ZNF771: variants seen among roughly 807,000 people sequenced by gnomAD.
The protein encoded by ZNF771 is mesenchymal stem cell protein DSC43.
ZNF771 carries 10 observed loss-of-function variants against 27.6 expected under a neutral mutation model. That is an observed-to-expected ratio of 0.36 (90% CI 0.22 to 0.61). ZNF771 has a LOEUF of 0.61. Among genes scored for constraint, ZNF771 ranks in the 20% least tolerant of loss-of-function variants. The pLI is 0.70. For synonymous variants in ZNF771, 261 were observed against 225.2 expected, an observed-to-expected ratio of 1.16 and a Z score of -1.43; for missense variants, 438 against 503.7, an observed-to-expected ratio of 0.87 and a Z score of 1.25.
Position 30,418,811 on chromosome 16 carries a change from T to C in ZNF771, c.*444T>C. Reference sequence around the variant, plus strand: ...CCTGAAAGGGCCCATAAATATACTATGTTCACGATCAGACACGCACTGCAT... The same window carrying C: ...CCTGAAAGGGCCCATAAATATACTACGTTCACGATCAGACACGCACTGCAT... On this transcript the variant is annotated 3_prime_UTR_variant, in exon 3 of 3. Transcript: ENST00000319296. 5.9e-6 allele frequency: 1 copy of C among 170,824 alleles called. No homozygotes were observed. Among genetic ancestry groups the C allele is most frequent in the Non-Finnish European group, 1.2e-5 (1 of 81,172 alleles). The allele number at this position is 170,824 out of a possible 1,614,324, so 10.6% of individuals were successfully genotyped here.
Position 30,418,125 on chromosome 16 carries a change from C to T in ZNF771, c.712C>T (p.Arg238Cys). 6.8e-7 allele frequency: 1 copy of T among 1,478,304 alleles called. No individual in the cohort carries two copies. The highest frequency in any genetic ancestry group is 8.9e-7 in the Non-Finnish European group (1 of 1,121,464). The allele number at this position is 1,478,304 out of a possible 1,614,324, so 91.6% of individuals were successfully genotyped here. ...EKPHRCAVCGRRFGHRSNLAE... is the reference protein window; with the variant it reads ...EKPHRCAVCGCRFGHRSNLAE... ...GCCGCACCGCTGCGCTGTGTGTGGCCGTCGCTTCGGCCACCGCTCCAACCT... is the reference window on the plus strand; with the variant it reads ...GCCGCACCGCTGCGCTGTGTGTGGCTGTCGCTTCGGCCACCGCTCCAACCT... The change falls in exon 3 of 3, where the codon CGT becomes TGT. Residue 238 changes from arginine (R) to cysteine (C), a missense_variant. By Grantham distance (180) the Arg-to-Cys change is radical. Transcript: ENST00000319296.
intron 2 of ZNF771, among the ~76,000 whole-genome samples, chr16:30,410,086 CCTT>C (rs982604677): frequency 2.0e-5 from 3 of 152,004 alleles, no homozygotes; most frequent in African/African-American, 7.3e-5. Flanking sequence ...GCAAGGTCAT[CCTT>C]CTTGAGATTT....
At chr16:30,408,235 C>T in intron 2 of ZNF771, 41 bp downstream of exon 2, 1 of 1,612,828 alleles carries the variant, frequency 6.2e-7, no homozygotes, top group Non-Finnish European at 8.5e-7. Context: ...GTCCCCAAAC[C>T]TGGTCCAGGC....
chr16:30,413,767 CTG>C (rs577408672), intron 2 of ZNF771: 78 of 212,082 alleles, frequency 3.7e-4, no homozygotes, highest in Non-Finnish European at 5.6e-4. Context: ...CGAGGTCTAA[CTG>C]TGTTGCCCAG....
chr16:30,411,147 C>T (rs2050101739), intron 2 of ZNF771, among the ~76,000 whole-genome samples: 2 of 151,972 alleles, frequency 1.3e-5, no homozygotes, highest in South Asian at 4.1e-4. Flanking sequence ...GGTGAAACCC[C>T]ATCTCTACTA....
At position 30,417,551 on chromosome 16, in the gene ZNF771, G is replaced by T. The variant is rs1597033019; in HGVS notation, c.142-4G>T. On this transcript the variant is annotated splice_polypyrimidine_tract_variant and splice_region_variant and intron_variant, in intron 2 of 2. Coordinates refer to ENST00000319296, the MANE Select transcript of ZNF771 (RefSeq NM_001142305.2). The stretch of plus-strand genomic sequence containing the variant: ...AGGGCTGACCTATCCCCCTCTCCCC[G>T]CAGGTCCCGGGCGAGGCGCCCGCGC... 1.6e-6 allele frequency: 2 copies of T among 1,217,566 alleles called. No homozygotes were observed. The highest frequency in any genetic ancestry group is 1.6e-5 in the African/African-American group (1 of 63,596). The allele number at this position is 1,217,566 out of a possible 1,614,324, so 75.4% of individuals were successfully genotyped here.
At chr16:30,409,627 G>A (rs771537772) in intron 2 of ZNF771, among the ~76,000 whole-genome samples, 11 of 152,178 alleles carry the variant, frequency 7.2e-5, no homozygotes, top group African/African-American at 1.4e-4. Flanking sequence ...CAGTTCCCAG[G>A]GAAAGAATGC....
intron 1 of ZNF771, among the ~76,000 whole-genome samples, 169 bp downstream of exon 1, chr16:30,407,833 A>G (rs1008472816): frequency 2.6e-5 from 4 of 151,478 alleles, no homozygotes; most frequent in Admixed American, 6.6e-5. Context: ...TGCTGGGATG[A>G]GTGGGGTGAA....
At chr16:30,413,646 T>C (rs2050117782) in intron 2 of ZNF771, 2 of 416,740 alleles carry the variant, frequency 4.8e-6, no homozygotes, top group African/African-American at 2.0e-5. Context: ...TGTAGCTCAC[T>C]GCAGCCTTGA....
chr16:30,417,537 A>C lies in ZNF771; in HGVS notation c.142-18A>C, dbSNP rs2050140463. On this transcript the variant is annotated intron_variant, in intron 2 of 2. Coordinates refer to ENST00000319296, the MANE Select transcript of ZNF771 (RefSeq NM_001142305.2). ...GGGGCCTGCCGCTAAGGGCTGACCT[A>C]TCCCCCTCTCCCCGCAGGTCCCGGG... The C allele has an allele frequency of 8.2e-7, 1 of 1,214,752 alleles. No homozygotes were observed. Among genetic ancestry groups the C allele is most frequent in the Non-Finnish European group, 1.0e-6 (1 of 977,978 alleles). The allele number at this position is 1,214,752 out of a possible 1,614,324, so 75.2% of individuals were successfully genotyped here. A position where few individuals can be genotyped will look rare whatever the true frequency, so the allele number is the denominator to read the frequency against.
At chr16:30,409,176 A>G (rs879772709) in intron 2 of ZNF771, among the ~76,000 whole-genome samples, 1 of 150,656 alleles carries the variant, frequency 6.6e-6, no homozygotes, top group Non-Finnish European at 1.5e-5. Flanking sequence ...GGGTTTTGCC[A>G]TGTTGGCCAG....
intron 2 of ZNF771, among the ~76,000 whole-genome samples, chr16:30,413,091 G>A (rs77689392): frequency 0.029 from 4,438 of 152,294 alleles, 303 homozygotes; most frequent in East Asian, 0.17. Context: ...GAGAAGTAAT[G>A]GCTAAGGAAG....
At chr16:30,409,035 C>T (rs532132746) in intron 2 of ZNF771, among the ~76,000 whole-genome samples, 5 of 151,698 alleles carry the variant, frequency 3.3e-5, no homozygotes, top group Admixed American at 2.6e-4. Flanking sequence ...AGTGCAGTGG[C>T]GTGATCTCGG....
At chr16:30,415,844 C>G (rs546864072) in intron 2 of ZNF771, among the ~76,000 whole-genome samples, 1 of 152,270 alleles carries the variant, frequency 6.6e-6, no homozygotes, top group African/African-American at 2.4e-5. Context: ...AGTAGATACG[C>G]GACATCAGTT....
Position 30,418,592 on chromosome 16 carries a change from C to T in ZNF771, c.*225C>T, listed in dbSNP as rs566666353. 1 of 435,992 alleles carries T rather than the reference C, an allele frequency of 2.3e-6. No individual in the cohort carries two copies. Among genetic ancestry groups the T allele is most frequent in the East Asian group, 3.6e-5 (1 of 27,968 alleles). The allele number at this position is 435,992 out of a possible 1,614,324, so 27.0% of individuals were successfully genotyped here. On this transcript the variant is annotated 3_prime_UTR_variant, in exon 3 of 3. Transcript: ENST00000319296. Reference sequence around the variant, plus strand: ...GTGTTAGTGAATAAAGTATTATATCCTCACCCCACCCGTGCCTGTGAGTGA... The same window carrying T: ...GTGTTAGTGAATAAAGTATTATATCTTCACCCCACCCGTGCCTGTGAGTGA...
intron 2 of ZNF771, chr16:30,413,513 CTT>C (rs1184008619): frequency 3.6e-6 from 1 of 274,238 alleles, no homozygotes; most frequent in Non-Finnish European, 7.7e-6. Context: ...AATTATGAGA[CTT>C]TTTTAAAGTT....
intron 2 of ZNF771, among the ~76,000 whole-genome samples, chr16:30,414,962 T>TTTTA (rs2050125930): frequency 7.8e-6 from 1 of 127,636 alleles, no homozygotes; most frequent in Non-Finnish European, 1.7e-5. Context: ...TTTTTTTTTT[T>TTTTA]TTTTTTTTTT....
intron 2 of ZNF771, among the ~76,000 whole-genome samples, chr16:30,408,395 G>A (rs1487389978): frequency 6.6e-6 from 1 of 152,118 alleles, no homozygotes; most frequent in Non-Finnish European, 1.5e-5. Flanking sequence ...CTTCCTGCTG[G>A]GTGCAGGAGA....
chr16:30,418,322 G>GGCCGCCACT lies in ZNF771; in HGVS notation c.913_921dup (p.Ala305_Ala307dup). The GGCCGCCACT allele has an allele frequency of 6.8e-7, 1 of 1,481,404 alleles. No homozygotes were observed. The highest frequency in any genetic ancestry group is 8.9e-7 in the Non-Finnish European group (1 of 1,119,732). The allele number at this position is 1,481,404 out of a possible 1,614,324, so 91.8% of individuals were successfully genotyped here. A position where few individuals can be genotyped will look rare whatever the true frequency, so the allele number is the denominator to read the frequency against. ...ACTTCAAGCTGCCCCCTGGCGCCAC[G>GGCCGCCACT]GCCGCCACTGCCACCGAGCGTTGCC... On this transcript the variant is annotated inframe_insertion, in exon 3 of 3. Coordinates refer to ENST00000319296, the MANE Select transcript of ZNF771 (RefSeq NM_001142305.2).
Sources: allele counts gnomAD v4.1 joint callset (sites outside exome capture counted in the v4.1 genomes callset), GRCh38; gene constraint gnomAD v4.1.1; transcripts MANE v1.5; gene names NCBI Gene and HGNC (gene_info 2026-07-23, HGNC 2026-07-21).